Variants in FRMD4B observed in about 807,000 individuals in gnomAD.
FRMD4B encodes the protein FERM domain containing 4B.
A neutral mutation model predicts 141.5 loss-of-function variants in FRMD4B; 74 were observed. That is an observed-to-expected ratio of 0.52 (90% CI 0.43 to 0.63). The LOEUF (loss-of-function observed/expected upper bound fraction) is 0.63. Ranked by LOEUF, FRMD4B falls within the 30% of genes least tolerant of loss-of-function variation. The pLI, the probability that FRMD4B is intolerant of heterozygous loss-of-function variation, is 0.00. For synonymous variants in FRMD4B, 506 were observed against 467.9 expected (o/e 1.08, Z -1.05); for missense variants, 1,366 against 1,253.4 (o/e 1.09, Z -1.36).
intron 1 of FRMD4B, among the ~76,000 whole-genome samples, chr3:69,451,599 T>C (rs960863492): frequency 7.9e-5 from 12 of 152,194 alleles, no homozygotes; most frequent in African/African-American, 2.7e-4. Flanking sequence ...AGACAGAACA[T>C]GGCAAAGCTG....
At chr3:69,347,042 G>A (rs924064910) in intron 1 of FRMD4B, among the ~76,000 whole-genome samples, 2 of 152,168 alleles carry the variant, frequency 1.3e-5, no homozygotes, top group Admixed American at 6.5e-5. Flanking sequence ...CTGGCAAATT[G>A]GATAAAGAGT....
chr3:69,518,058 T>C (rs934119350), intron 1 of FRMD4B, among the ~76,000 whole-genome samples: 4 of 152,134 alleles, frequency 2.6e-5, no homozygotes, highest in Admixed American at 2.0e-4. Flanking sequence ...GAATCTGAGC[T>C]CTGGGCTACT....
intron 2 of FRMD4B, among the ~76,000 whole-genome samples, chr3:69,421,350 A>G (rs1001204863): frequency 6.6e-6 from 1 of 152,230 alleles, no homozygotes; most frequent in Admixed American, 6.5e-5. Context: ...GAATTAGATT[A>G]GGGATTGTAC....
intron 1 of FRMD4B, among the ~76,000 whole-genome samples, chr3:69,506,960 C>T (rs1415478666): frequency 6.6e-6 from 1 of 152,066 alleles, no homozygotes; most frequent in African/African-American, 2.4e-5. Flanking sequence ...GAGAAAATGT[C>T]CCACCAAAAA....
At chr3:69,267,624 TATATATATATATAG>T (rs2093571695) in intron 5 of FRMD4B, among the ~76,000 whole-genome samples, 1 of 18,470 alleles carries the variant, frequency 5.4e-5, no homozygotes, top group East Asian at 1.4e-3. Context: ...TATATATATA[TATATATATATATAG>T]AGAGAGAGAG....
chr3:69,520,572 G>T (rs1207542410), intron 1 of FRMD4B, among the ~76,000 whole-genome samples: 1 of 151,846 alleles, frequency 6.6e-6, no homozygotes, highest in Non-Finnish European at 1.5e-5. Context: ...TGGGATGGCT[G>T]CTGGAAGCCA....
chr3:69,402,790 T>C (rs2046373), intron 2 of FRMD4B, among the ~76,000 whole-genome samples: 87,073 of 151,984 alleles, frequency 0.57, 27,019 homozygotes, highest in Non-Finnish European at 0.68. Context: ...AGTGCAATAA[T>C]TGACCTCAAT....
At chr3:69,372,674 TA>T (rs1255009936) in intron 1 of FRMD4B, among the ~76,000 whole-genome samples, 1 of 140,518 alleles carries the variant, frequency 7.1e-6, no homozygotes, top group Non-Finnish European at 1.6e-5. Context: ...CAAAAACAAA[TA>T]AATAAATAAA....
rs543705192 is a variant in FRMD4B, at chr3:69,229,767, G to A, written c.582-5077C>T. On this transcript the variant is annotated intron_variant, in intron 7 of 22. Transcript: ENST00000398540. Reference sequence around the variant, plus strand: ...TCTGTCGCCAGGCTGCAGTGCAGTCGTGCGATCTTGTTTGGTCCTAAACAA... The same window carrying A: ...TCTGTCGCCAGGCTGCAGTGCAGTCATGCGATCTTGTTTGGTCCTAAACAA... Among the ~76,000 whole-genome samples the A allele has an allele frequency of 5.3e-4, 80 of 152,232 alleles. 1 individual carries two copies. Among genetic ancestry groups the A allele is most frequent in the African/African-American group, 1.9e-3 (77 of 41,540 alleles).
intron 2 of FRMD4B, 145 bp downstream of exon 2, chr3:69,313,307 T>A: frequency 1.4e-6 from 1 of 709,394 alleles, no homozygotes; most frequent in Non-Finnish European, 2.6e-6. Flanking sequence ...CAATTCTGAG[T>A]CATTGGCTTT....
At chr3:69,204,296 T>C (rs1050729909) in intron 11 of FRMD4B, among the ~76,000 whole-genome samples, 12 of 152,176 alleles carry the variant, frequency 7.9e-5, no homozygotes, top group Admixed American at 2.0e-4. Context: ...TTTTTAAATC[T>C]TGATGAATTG....
intron 11 of FRMD4B, among the ~76,000 whole-genome samples, chr3:69,206,679 G>C (rs2093027107): frequency 6.6e-6 from 1 of 152,142 alleles, no homozygotes; most frequent in South Asian, 2.1e-4. Flanking sequence ...TTGTGGTTTT[G>C]TACCTAGTCT....
chr3:69,311,155 C>A, intron 3 of FRMD4B, 108 bp downstream of exon 3: 2 of 556,728 alleles, frequency 3.6e-6, no homozygotes, highest in Non-Finnish European at 6.6e-6. Context: ...CTAAGCAGGA[C>A]ATGTTCTGAA....
chr3:69,321,276 G>C (rs76476532), intron 1 of FRMD4B, among the ~76,000 whole-genome samples: 2,174 of 152,256 alleles, frequency 0.014, 27 homozygotes, highest in Non-Finnish European at 0.022. Flanking sequence ...GACCAAAATC[G>C]TAGCCTACTT....
chr3:69,356,623 A>G (rs1222390885), intron 1 of FRMD4B, among the ~76,000 whole-genome samples: 1 of 147,824 alleles, frequency 6.8e-6, no homozygotes, highest in Non-Finnish European at 1.5e-5. Context: ...ACGTATATAT[A>G]CATATATATA....
chr3:69,235,357 C>T (rs1270791494), intron 7 of FRMD4B, among the ~76,000 whole-genome samples: 2 of 151,194 alleles, frequency 1.3e-5, no homozygotes, highest in Non-Finnish European at 2.9e-5. Context: ...ATCTAATCCC[C>T]CAAAAGAAAT....
At chr3:69,267,540 G>A (rs894458440) in intron 5 of FRMD4B, among the ~76,000 whole-genome samples, 8 of 148,508 alleles carry the variant, frequency 5.4e-5, no homozygotes, top group Non-Finnish European at 8.9e-5. Context: ...ACCTATATAG[G>A]CCTAGCACAT....
chr3:69,252,083 C>T (rs1186510954), intron 5 of FRMD4B, among the ~76,000 whole-genome samples: 3 of 152,150 alleles, frequency 2.0e-5, no homozygotes, highest in East Asian at 1.9e-4. Flanking sequence ...TGACATCCCA[C>T]GACCCACCTT....
intron 1 of FRMD4B, among the ~76,000 whole-genome samples, chr3:69,436,269 C>G (rs1705257752): frequency 1.3e-5 from 2 of 152,160 alleles, no homozygotes; most frequent in African/African-American, 4.8e-5. Context: ...GTGGAGCACA[C>G]TTTGGGAAAT....
Sources: allele counts gnomAD v4.1 joint callset (sites outside exome capture counted in the v4.1 genomes callset), GRCh38; gene constraint gnomAD v4.1.1; transcripts MANE v1.5; gene names NCBI Gene and HGNC (gene_info 2026-07-23, HGNC 2026-07-21).